Variants in PREX2 observed in about 807,000 individuals in gnomAD.
PREX2 encodes the protein phosphatidylinositol 3,4,5-trisphosphate-dependent Rac exchanger 2 protein.
A neutral mutation model predicts 203.2 loss-of-function variants in PREX2; 107 were observed. The ratio of observed to expected loss-of-function variants is 0.53; its 90% confidence interval spans 0.45 to 0.62. The LOEUF is 0.62. Among genes scored for constraint, PREX2 ranks in the 20% least tolerant of loss-of-function variants. The probability of loss-of-function intolerance (pLI) is 0.00; values close to 1 mark genes in which losing one functional copy is unlikely to be tolerated. For missense variants in PREX2, 1,777 were observed against 1,955.9 expected (o/e 0.91, Z 1.72); for synonymous variants, 672 against 663.6 (o/e 1.01, Z -0.19).
chr8:68,155,783 T>C (rs572289452), intron 34 of PREX2, among the ~76,000 whole-genome samples: 1 of 152,274 alleles, frequency 6.6e-6, no homozygotes, highest in Admixed American at 6.5e-5. Context: ...CTGTGATTTA[T>C]TTCCTCTCCA....
At chr8:68,222,673 T>C (rs949130045) in intron 38 of PREX2, among the ~76,000 whole-genome samples, 1 of 150,776 alleles carries the variant, frequency 6.6e-6, no homozygotes, top group African/African-American at 2.4e-5. Context: ...TATTGCATAG[T>C]CTCATAGTAT....
intron 37 of PREX2, among the ~76,000 whole-genome samples, chr8:68,197,835 G>A (rs183172889): frequency 1.3e-5 from 2 of 149,288 alleles, no homozygotes; most frequent in Admixed American, 6.7e-5. Context: ...TATAAAATGA[G>A]CACATAGACT....
At chr8:68,060,629 G>T (rs759001158) in intron 10 of PREX2, 50 bp from the exon 11 acceptor site, 29 of 1,301,640 alleles carry the variant, frequency 2.2e-5, no homozygotes, top group Non-Finnish European at 3.1e-5. Context: ...AGAAAGACTT[G>T]CTGGGGAAAA....
chr8:68,117,243 G>A (rs1455811369), intron 26 of PREX2, among the ~76,000 whole-genome samples: 1 of 152,138 alleles, frequency 6.6e-6, no homozygotes, highest in African/African-American at 2.4e-5. Flanking sequence ...GGTTCTGATA[G>A]GAATTCCATT....
At chr8:67,972,081 G>C (rs1456672033) in intron 1 of PREX2, among the ~76,000 whole-genome samples, 1 of 152,196 alleles carries the variant, frequency 6.6e-6, no homozygotes, top group African/African-American at 2.4e-5. Flanking sequence ...CCACTTGTTT[G>C]ATGTGATGTC....
intron 31 of PREX2, 52 bp downstream of exon 31, chr8:68,127,471 G>T: frequency 1.6e-6 from 2 of 1,287,316 alleles, no homozygotes; most frequent in South Asian, 2.4e-5. Flanking sequence ...TGTGGCCCAG[G>T]ATCATAAAGG....
At chr8:68,181,839 T>A (rs1033398425) in intron 35 of PREX2, among the ~76,000 whole-genome samples, 1 of 152,092 alleles carries the variant, frequency 6.6e-6, no homozygotes. Context: ...TGGTGCTGTG[T>A]GTTGGGATAA....
chr8:68,168,298 A>G (rs982580909), intron 35 of PREX2, among the ~76,000 whole-genome samples: 2 of 152,220 alleles, frequency 1.3e-5, no homozygotes, highest in Admixed American at 6.5e-5. Flanking sequence ...GGAATGTGAC[A>G]TACCAGTCAC....
intron 23 of PREX2, chr8:68,105,376 G>A (rs1361421223): frequency 7.4e-7 from 1 of 1,359,626 alleles, no homozygotes; most frequent in East Asian, 4.6e-5. Context: ...TTACCCTTTG[G>A]AACAGTTCAG....
At chr8:67,952,586 G>A in intron 1 of PREX2, 51 bp downstream of exon 1, 3 of 1,581,954 alleles carry the variant, frequency 1.9e-6, no homozygotes, top group Non-Finnish European at 1.7e-6. Flanking sequence ...GCGGGGCGCG[G>A]GTCCCGGAGT....
In PREX2 at chr8:68,161,386, C is replaced by T. The variant is rs542865974; in HGVS notation, c.4346+3950C>T. Among the ~76,000 whole-genome samples the T allele has an allele frequency of 2.5e-4, 38 of 152,096 alleles. 1 individual carries two copies. Among genetic ancestry groups the T allele is most frequent in the Non-Finnish European group, 4.7e-4 (32 of 68,022 alleles). On this transcript the variant is annotated intron_variant, in intron 35 of 39. Transcript: ENST00000288368. Reference sequence around the variant, plus strand: ...GGGATTACAAGCGTGAGCCACCATGCCTGGCCTAAAATTTTCTATTAGAGA... The same window carrying T: ...GGGATTACAAGCGTGAGCCACCATGTCTGGCCTAAAATTTTCTATTAGAGA...
chr8:68,159,894 A>G (rs1258790247), intron 35 of PREX2, among the ~76,000 whole-genome samples: 2 of 152,190 alleles, frequency 1.3e-5, no homozygotes, highest in Non-Finnish European at 2.9e-5. Flanking sequence ...GAGAAAGTCA[A>G]TTGTTTTGGC....
At chr8:67,970,442 C>T (rs1393281591) in intron 1 of PREX2, among the ~76,000 whole-genome samples, 3 of 152,152 alleles carry the variant, frequency 2.0e-5, no homozygotes, top group African/African-American at 7.2e-5. Flanking sequence ...GCAAAAATAA[C>T]CATACCCCTA....
intron 37 of PREX2, among the ~76,000 whole-genome samples, chr8:68,216,657 A>T (rs1812844044): frequency 6.6e-6 from 1 of 152,102 alleles, no homozygotes; most frequent in African/African-American, 2.4e-5. Context: ...GGAAGAACAT[A>T]AAAGAATGCC....
At chr8:68,114,745 T>C (rs183016436) in intron 25 of PREX2, among the ~76,000 whole-genome samples, 3 of 152,192 alleles carry the variant, frequency 2.0e-5, no homozygotes, top group Non-Finnish European at 2.9e-5. Flanking sequence ...CATCCTCACA[T>C]TGTATGTAAC....
intron 37 of PREX2, among the ~76,000 whole-genome samples, chr8:68,209,167 C>T (rs1812700162): frequency 6.6e-6 from 1 of 151,430 alleles, no homozygotes; most frequent in Non-Finnish European, 1.5e-5. Context: ...CTGCTCTGTG[C>T]TATGTTCCAG....
chr8:68,117,501 A>G (rs1810681336), intron 26 of PREX2, among the ~76,000 whole-genome samples: 1 of 152,220 alleles, frequency 6.6e-6, no homozygotes, highest in Admixed American at 6.5e-5. Flanking sequence ...AGGAATCTGT[A>G]GAGTTTTTCC....
chr8:68,133,904 ATGTG>A (rs970203202), intron 31 of PREX2, among the ~76,000 whole-genome samples, 151 bp from the exon 32 acceptor site: 2 of 152,242 alleles, frequency 1.3e-5, no homozygotes, highest in East Asian at 1.9e-4. Context: ...ATTTGCTAGA[ATGTG>A]TGTGGTCATT....
chr8:68,006,863 T>A (rs1807113115), intron 1 of PREX2, among the ~76,000 whole-genome samples: 1 of 152,202 alleles, frequency 6.6e-6, no homozygotes, highest in Admixed American at 6.5e-5. Context: ...GTTGAACAAA[T>A]ATGCATCTTT....
Sources: allele counts gnomAD v4.1 joint callset (sites outside exome capture counted in the v4.1 genomes callset), GRCh38; gene constraint gnomAD v4.1.1; transcripts MANE v1.5; gene names NCBI Gene and HGNC (gene_info 2026-07-23, HGNC 2026-07-21).